Variants in HS3ST4 observed in about 807,000 individuals in gnomAD.
The protein encoded by HS3ST4 is heparan sulfate glucosamine 3-O-sulfotransferase 4.
HS3ST4 carries 17 observed loss-of-function variants against 29.2 expected under a neutral mutation model. The ratio of observed to expected loss-of-function variants is 0.58; its 90% CI spans 0.40 to 0.87. HS3ST4 has a LOEUF of 0.87. HS3ST4 is among the 40% of genes least tolerant of loss of function. The pLI, the probability that HS3ST4 is intolerant of heterozygous loss-of-function variation, is 0.00. For synonymous variants in HS3ST4, 314 were observed against 285.7 expected (o/e 1.10, Z -1.00); for missense variants, 627 against 634.5 (o/e 0.99, Z 0.13).
intron 1 of HS3ST4, among the ~76,000 whole-genome samples, chr16:25,696,796 G>C (rs2141578660): frequency 6.6e-6 from 1 of 152,338 alleles, no homozygotes; most frequent in Non-Finnish European, 1.5e-5. Flanking sequence ...GTGGCAACTG[G>C]GGAGAGAATG....
intron 1 of HS3ST4, among the ~76,000 whole-genome samples, chr16:25,973,692 T>C (rs1315238249): frequency 2.0e-5 from 3 of 152,322 alleles, no homozygotes; most frequent in African/African-American, 7.2e-5. Flanking sequence ...TTGAATACTT[T>C]GACAATTACA....
Position 25,895,220 on chromosome 16 carries a change from G to A in HS3ST4, c.734+202069G>A, listed in dbSNP as rs575370855. Among the ~76,000 whole-genome samples the A allele has an allele frequency of 1.1e-4, 17 of 152,194 alleles. No homozygotes were observed. In the South Asian group the frequency reaches 2.1e-3, roughly 19 times the overall value. ...GACCATGGTAACCATGCCTACAAAG[G>A]CCCTAAGACTTGGGAGAACAAGGTG... is the stretch of plus-strand genomic sequence containing the variant. On this transcript the variant is annotated intron_variant, in intron 1 of 1. Coordinates refer to ENST00000331351, the MANE Select transcript of HS3ST4 (RefSeq NM_006040.3).
At position 26,110,828 on chromosome 16, in the gene HS3ST4, T is replaced by A. The variant is rs1431429420; in HGVS notation, c.735-24784T>A. ...GATCTCTCCTTCCACTGTCTCCCTC[T>A]CTCACGCTCTCCAGCTACACCGGCC... On this transcript the variant is annotated intron_variant, in intron 1 of 1. Transcript: ENST00000331351. 5.3e-5 allele frequency among the ~76,000 whole-genome samples: 8 copies of A among 152,074 alleles called. No individual in the cohort carries two copies. In the East Asian group the frequency reaches 1.5e-3, roughly 29 times the overall value.
chr16:25,984,283 C>T lies in HS3ST4; in HGVS notation c.735-151329C>T, dbSNP rs8051104. On this transcript the variant is annotated intron_variant, in intron 1 of 1. Coordinates refer to ENST00000331351, the MANE Select transcript of HS3ST4 (RefSeq NM_006040.3). ...CATGGCCAGGGATGGGGGACGGTTT[C>T]GGGATGAAACTGTTCTACCTCAGAT... Among the ~76,000 whole-genome samples the T allele has an allele frequency of 1.7e-4, 26 of 152,166 alleles. 1 individual carries two copies. Among genetic ancestry groups the T allele is most frequent in the Middle Eastern group, 3.4e-3 (1 of 294 alleles).
chr16:25,997,613 C>CTA (rs1969168740), intron 1 of HS3ST4, among the ~76,000 whole-genome samples: 2 of 152,288 alleles, frequency 1.3e-5, no homozygotes, highest in East Asian at 3.9e-4. Flanking sequence ...GATTTACCAT[C>CTA]TATCAACTCA....
At chr16:26,117,537 G>A (rs961611152) in intron 1 of HS3ST4, among the ~76,000 whole-genome samples, 2 of 152,214 alleles carry the variant, frequency 1.3e-5, no homozygotes, top group Non-Finnish European at 2.9e-5. Context: ...TGCATTTCAT[G>A]GCTGAGGTCG....
intron 1 of HS3ST4, among the ~76,000 whole-genome samples, chr16:26,010,587 C>T (rs1255298719): frequency 6.6e-6 from 1 of 151,978 alleles, no homozygotes; most frequent in Admixed American, 6.6e-5. Context: ...TTTTGGGTGT[C>T]TATAATTTTC....
intron 1 of HS3ST4, among the ~76,000 whole-genome samples, chr16:26,045,323 C>T (rs974627728): frequency 2.6e-5 from 4 of 152,186 alleles, no homozygotes; most frequent in African/African-American, 9.6e-5. Flanking sequence ...CATAATGCAT[C>T]TTAGCATTAA....
intron 1 of HS3ST4, among the ~76,000 whole-genome samples, chr16:25,789,413 TC>T: frequency 2.1e-5 from 1 of 46,850 alleles, no homozygotes; most frequent in Admixed American, 1.7e-4. Context: ...TTTCCTTCCT[TC>T]CTTCCTTCCT....
chr16:25,896,738 A>C (rs1258792539), intron 1 of HS3ST4, among the ~76,000 whole-genome samples: 2 of 152,210 alleles, frequency 1.3e-5, no homozygotes, highest in Non-Finnish European at 2.9e-5. Context: ...ACATGGAATT[A>C]ACCAAGCTGT....
chr16:25,695,465 A>G (rs1193659558), intron 1 of HS3ST4, among the ~76,000 whole-genome samples: 1 of 152,232 alleles, frequency 6.6e-6, no homozygotes, highest in Non-Finnish European at 1.5e-5. Context: ...ACCACTCTCC[A>G]GCCTTACCAC....
intron 1 of HS3ST4, among the ~76,000 whole-genome samples, chr16:26,037,416 C>T (rs1226067825): frequency 1.3e-5 from 2 of 152,196 alleles, no homozygotes; most frequent in Non-Finnish European, 2.9e-5. Context: ...GTCCACTGAT[C>T]TTCAGTGTGA....
intron 1 of HS3ST4, among the ~76,000 whole-genome samples, chr16:25,929,587 G>A (rs887402323): frequency 1.3e-5 from 2 of 152,058 alleles, no homozygotes; most frequent in African/African-American, 4.8e-5. Context: ...TAATTGGTCT[G>A]TCTCTGAGAC....
At chr16:25,976,295 G>A (rs1293953656) in intron 1 of HS3ST4, among the ~76,000 whole-genome samples, 1 of 152,004 alleles carries the variant, frequency 6.6e-6, no homozygotes, top group African/African-American at 2.4e-5. Flanking sequence ...ATTTCTCCAG[G>A]GATGTCAGTT....
rs139176911 is a variant in HS3ST4, at chr16:26,009,903, C to T, written c.735-125709C>T. 2.4e-4 allele frequency among the ~76,000 whole-genome samples: 36 copies of T among 152,234 alleles called. No homozygotes were observed. In the East Asian group the frequency reaches 3.3e-3, roughly 14 times the overall value. On this transcript the variant is annotated intron_variant, in intron 1 of 1. Transcript: ENST00000331351. ...TAAGACCTGAATGAACTGCAGTCAC[C>T]GACCTTGGGGAATCAGCTCTGCAAA... is the stretch of plus-strand genomic sequence containing the variant.
chr16:25,893,363 T>C (rs1366648156), intron 1 of HS3ST4, among the ~76,000 whole-genome samples: 1 of 152,220 alleles, frequency 6.6e-6, no homozygotes, highest in Non-Finnish European at 1.5e-5. Context: ...TTGCCTTCAC[T>C]CAAAGCTGAC....
chr16:26,095,235 G>A (rs1898908194), intron 1 of HS3ST4, among the ~76,000 whole-genome samples: 1 of 152,164 alleles, frequency 6.6e-6, no homozygotes, highest in African/African-American at 2.4e-5. Context: ...GGAATATCCA[G>A]GACTTGAACT....
At position 25,841,172 on chromosome 16, in the gene HS3ST4, A is replaced by G. The variant is rs188643582; in HGVS notation, c.734+148021A>G. Among the ~76,000 whole-genome samples, 332 of 151,660 alleles carry G rather than the reference A, an allele frequency of 2.2e-3. 1 individual carries two copies. Among genetic ancestry groups the G allele is most frequent in the African/African-American group, 7.4e-3 (304 of 41,296 alleles). On this transcript the variant is annotated intron_variant, in intron 1 of 1. Transcript: ENST00000331351. The stretch of plus-strand genomic sequence containing the variant: ...AGGTGCCCGCCACCTCACCTGGCTA[A>G]TTTTTTGTATTTTTAGTAGAGACGG...
intron 1 of HS3ST4, among the ~76,000 whole-genome samples, chr16:25,775,157 C>T (rs1966846447): frequency 6.6e-6 from 1 of 152,158 alleles, no homozygotes; most frequent in Non-Finnish European, 1.5e-5. Context: ...CTATGAAGAC[C>T]TTGGCGACGC....
Sources: gnomAD v4.1 joint callset for allele counts (sites outside exome capture counted in the v4.1 genomes callset) on GRCh38, gnomAD v4.1.1 for gene constraint, MANE v1.5 for transcripts, NCBI Gene and HGNC (gene_info 2026-07-23, HGNC 2026-07-21) for gene names.